Variants in KCNH8 observed in about 807,000 individuals in gnomAD.
The protein encoded by KCNH8 is potassium voltage-gated channel subfamily H member 8.
In KCNH8, 70 loss-of-function variants were observed where a neutral mutation model predicts 103.6. That is an observed-to-expected ratio of 0.68 (90% CI 0.56 to 0.82). KCNH8 has a LOEUF of 0.82. KCNH8 is among the 40% of genes least tolerant of loss of function. The pLI is 0.00. For synonymous variants in KCNH8, 498 were observed against 489.4 expected (o/e 1.02, Z -0.23); for missense variants, 1,217 against 1,329.9 (o/e 0.92, Z 1.32).
At chr3:19,420,573 C>A (rs911339558) in intron 7 of KCNH8, among the ~76,000 whole-genome samples, 12 of 152,136 alleles carry the variant, frequency 7.9e-5, no homozygotes, top group African/African-American at 2.7e-4. Context: ...TATTTTGTGA[C>A]TGAAATGGTA....
chr3:19,509,328 T>C lies in KCNH8; in HGVS notation c.2041-1035T>C, dbSNP rs113721865. On this transcript the variant is annotated intron_variant, in intron 11 of 15. Transcript: ENST00000328405. ...AAAAAATGAGGAAAGGGTGACAGAA[T>C]TACCAAATTTGTCTGGCTTACTAGG... Among the ~76,000 whole-genome samples, 184 of 152,302 alleles carry C rather than the reference T, an allele frequency of 1.2e-3. 2 individuals carry two copies. Among genetic ancestry groups the C allele is most frequent in the African/African-American group, 4.1e-3 (172 of 41,572 alleles).
chr3:19,297,745 A>G (rs1212576381), intron 3 of KCNH8, among the ~76,000 whole-genome samples: 2 of 152,238 alleles, frequency 1.3e-5, no homozygotes, highest in Non-Finnish European at 1.5e-5. Context: ...AACTTCACAC[A>G]TAACCAAAAA....
intron 15 of KCNH8, among the ~76,000 whole-genome samples, chr3:19,522,967 T>C (rs2068998746): frequency 6.6e-6 from 1 of 151,872 alleles, no homozygotes; most frequent in Non-Finnish European, 1.5e-5. Flanking sequence ...TATATGTATA[T>C]GTGTGATAAG....
At chr3:19,164,831 T>G (rs2063267042) in intron 1 of KCNH8, among the ~76,000 whole-genome samples, 1 of 152,254 alleles carries the variant, frequency 6.6e-6, no homozygotes, top group African/African-American at 2.4e-5. Context: ...CCCACAAGGC[T>G]GTTTTTACCT....
intron 11 of KCNH8, among the ~76,000 whole-genome samples, chr3:19,491,008 G>C (rs781018832): frequency 2.0e-4 from 31 of 152,254 alleles, no homozygotes; most frequent in Non-Finnish European, 3.4e-4. Context: ...AATACTCTGG[G>C]CAGAATCTGG....
intron 11 of KCNH8, among the ~76,000 whole-genome samples, chr3:19,504,769 A>T (rs1273665835): frequency 6.6e-6 from 1 of 152,128 alleles, no homozygotes; most frequent in Non-Finnish European, 1.5e-5. Context: ...CAGTGTGTCA[A>T]TTCCTCAAAG....
Position 19,489,547 on chromosome 3 carries a change from A to G in KCNH8, c.2041-20816A>G, listed in dbSNP as rs560908670. On this transcript the variant is annotated intron_variant, in intron 11 of 15. Transcript: ENST00000328405. ...CAGGCTTCCTTCTGATGGCCAACGT[A>G]CCTGTAATGCTGGCCAGTCTATCTC... 5.2e-4 allele frequency among the ~76,000 whole-genome samples: 79 copies of G among 152,134 alleles called. 1 individual carries two copies. The South Asian group carries it at 0.016, about 30-fold the overall frequency.
At chr3:19,475,251 C>T (rs1174200950) in intron 11 of KCNH8, among the ~76,000 whole-genome samples, 1 of 152,168 alleles carries the variant, frequency 6.6e-6, no homozygotes, top group African/African-American at 2.4e-5. Flanking sequence ...AAAGAGGCTT[C>T]ATGTGTATAA....
At chr3:19,160,902 G>A (rs2063227345) in intron 1 of KCNH8, among the ~76,000 whole-genome samples, 1 of 152,010 alleles carries the variant, frequency 6.6e-6, no homozygotes, top group African/African-American at 2.4e-5. Context: ...CTTAATAATG[G>A]CCCTAAAGCG....
In KCNH8 at chr3:19,535,000, G is replaced by A. The variant is rs1295154752; in HGVS notation, c.*901G>A. ...TCAACTACATGAGCTTTGGCATGGG[G>A]ATAGAGAGGCTCCATCTAGGCTCTG... On this transcript the variant is annotated 3_prime_UTR_variant, in exon 16 of 16. Coordinates refer to ENST00000328405, the MANE Select transcript of KCNH8 (RefSeq NM_144633.3). The A allele has an allele frequency of 6.6e-6, 1 of 152,172 alleles. No individual in the cohort carries two copies. Among genetic ancestry groups the A allele is most frequent in the African/African-American group, 2.4e-5 (1 of 41,446 alleles). 9.4% of individuals were successfully genotyped at this position (152,172 alleles called of 1,614,324 possible).
chr3:19,249,958 C>T (rs2064254960), intron 1 of KCNH8, among the ~76,000 whole-genome samples: 1 of 152,072 alleles, frequency 6.6e-6, no homozygotes, highest in South Asian at 2.1e-4. Context: ...ATGGCAAAGG[C>T]AAGCTGGGTA....
chr3:19,296,594 T>A (rs1231580953), intron 3 of KCNH8, among the ~76,000 whole-genome samples: 1 of 152,178 alleles, frequency 6.6e-6, no homozygotes, highest in South Asian at 2.1e-4. Flanking sequence ...AGGACTCTCT[T>A]GAGTGGCATT....
chr3:19,281,412 C>A lies in KCNH8; in HGVS notation c.442+83C>A, dbSNP rs2064755762. The A allele has an allele frequency of 3.1e-6, 4 of 1,289,888 alleles. No homozygotes were observed. In the African/African-American group the frequency reaches 4.6e-5, roughly 15 times the overall value. The allele number at this position is 1,289,888 out of a possible 1,614,324, so 79.9% of individuals were successfully genotyped here. A position where few individuals can be genotyped will look rare whatever the true frequency, so the allele number is the denominator to read the frequency against. The stretch of plus-strand genomic sequence containing the variant: ...TTAAAAACTCTTGGAGAAAAACATG[C>A]ATTTTTAATAACAGCAACTGATAAA... On this transcript the variant is annotated intron_variant, in intron 3 of 15. Coordinates refer to ENST00000328405, the MANE Select transcript of KCNH8 (RefSeq NM_144633.3).
At chr3:19,374,817 G>C (rs1222386720) in intron 5 of KCNH8, among the ~76,000 whole-genome samples, 9 of 151,894 alleles carry the variant, frequency 5.9e-5, no homozygotes, top group South Asian at 4.2e-4. Context: ...CAAAATCTCT[G>C]AGCATTTGCT....
At chr3:19,343,237 T>C (rs112828320) in intron 4 of KCNH8, among the ~76,000 whole-genome samples, 3 of 152,230 alleles carry the variant, frequency 2.0e-5, no homozygotes, top group Non-Finnish European at 4.4e-5. Flanking sequence ...TACAATTGCA[T>C]ACCATACGTT....
intron 4 of KCNH8, among the ~76,000 whole-genome samples, chr3:19,347,414 A>G (rs1275437128): frequency 6.6e-6 from 1 of 152,094 alleles, no homozygotes; most frequent in East Asian, 1.9e-4. Context: ...TGTGTGTAGA[A>G]TTACATGTAA....
intron 6 of KCNH8, among the ~76,000 whole-genome samples, chr3:19,394,286 C>T (rs956502538): frequency 6.6e-6 from 1 of 151,866 alleles, no homozygotes; most frequent in African/African-American, 2.4e-5. Flanking sequence ...TATGTGCACC[C>T]CTTATTAATG....
intron 2 of KCNH8, among the ~76,000 whole-genome samples, chr3:19,276,770 G>A (rs1406494664): frequency 6.6e-6 from 1 of 152,044 alleles, no homozygotes; most frequent in Non-Finnish European, 1.5e-5. Context: ...GCAAAAATTA[G>A]TACAGCTACT....
intron 1 of KCNH8, among the ~76,000 whole-genome samples, chr3:19,253,349 G>A (rs1339349532): frequency 1.3e-5 from 2 of 151,972 alleles, no homozygotes; most frequent in Non-Finnish European, 2.9e-5. Flanking sequence ...TATGAAACCA[G>A]AAGCCATGAT....
Sources: allele counts gnomAD v4.1 joint callset (sites outside exome capture counted in the v4.1 genomes callset), GRCh38; gene constraint gnomAD v4.1.1; transcripts MANE v1.5; gene names NCBI Gene and HGNC (gene_info 2026-07-23, HGNC 2026-07-21).